The following DEPDC1B variants were observed in gnomAD, a reference collection of about 807,000 sequenced individuals.
DEPDC1B encodes the protein DEP domain-containing protein 1B.
Under a neutral mutation model 66.5 loss-of-function variants are expected in DEPDC1B, and 51 were observed. The ratio of observed to expected loss-of-function variants is 0.77; its 90% confidence interval spans 0.61 to 0.97. The LOEUF is 0.97. Ranked by LOEUF, DEPDC1B falls within the 50% of genes least tolerant of loss-of-function variation. DEPDC1B has a pLI of 0.00. For missense variants in DEPDC1B, 552 were observed against 637.1 expected, an observed-to-expected ratio of 0.87 and a Z score of 1.44; for synonymous variants, 226 against 223.6, an observed-to-expected ratio of 1.01 and a Z score of -0.10.
In DEPDC1B at chr5:60,647,533, T is replaced by C. The variant is rs754032696; in HGVS notation, c.315A>G (p.Arg105=). 16 of 1,609,942 alleles carry C rather than the reference T, an allele frequency of 9.9e-6. No homozygotes were observed. In the Admixed American group the frequency reaches 2.2e-4, roughly 22 times the overall value. ...EDFEDNRHLY[R]FPPSSPLKPY... ...GTTTCAGGGGTGAAGAAGGAGGAAA[T>C]CTAAAACCCAAGAAGAAATTCTCTA... Residue 105 remains arginine (R), a splice_region_variant and synonymous_variant, in exon 3 of 11, where the codon AGA becomes AGG. Transcript: ENST00000265036.
At chr5:60,680,007 C>A (rs1446424862) in intron 2 of DEPDC1B, among the ~76,000 whole-genome samples, 3 of 152,054 alleles carry the variant, frequency 2.0e-5, no homozygotes, top group South Asian at 2.1e-4. Context: ...ACCCTGTCTA[C>A]CTCATAGAAT....
chr5:60,646,803 A>G (rs1035133031), intron 3 of DEPDC1B, among the ~76,000 whole-genome samples: 1 of 152,116 alleles, frequency 6.6e-6, no homozygotes, highest in African/African-American at 2.4e-5. Flanking sequence ...ACCTCCTGTC[A>G]GATCGGCCGC....
chr5:60,683,169 C>A (rs1179085619), intron 2 of DEPDC1B, among the ~76,000 whole-genome samples: 2 of 152,150 alleles, frequency 1.3e-5, no homozygotes, highest in African/African-American at 4.8e-5. Context: ...GTGGCTCATG[C>A]CTATAATCCC....
chr5:60,638,928 G>C (rs751781074), intron 6 of DEPDC1B, 38 bp from the exon 7 acceptor site: 1 of 1,600,264 alleles, frequency 6.2e-7, no homozygotes, highest in East Asian at 2.2e-5. Flanking sequence ...AACATTAATG[G>C]AGTAATTACC....
At chr5:60,665,117 C>T (rs563978241) in intron 2 of DEPDC1B, among the ~76,000 whole-genome samples, 2 of 152,220 alleles carry the variant, frequency 1.3e-5, no homozygotes, top group African/African-American at 4.8e-5. Flanking sequence ...GGAAACCAAA[C>T]CCCAGTACTC....
intron 2 of DEPDC1B, among the ~76,000 whole-genome samples, chr5:60,661,087 T>C (rs1003154430): frequency 1.3e-5 from 2 of 152,190 alleles, no homozygotes; most frequent in Non-Finnish European, 1.5e-5. Flanking sequence ...ACCTACACCC[T>C]CTCTGAAATA....
intron 9 of DEPDC1B, among the ~76,000 whole-genome samples, chr5:60,601,997 C>A (rs1389948014): frequency 1.3e-5 from 2 of 152,150 alleles, no homozygotes; most frequent in African/African-American, 4.8e-5. Context: ...AAAGGCATGT[C>A]ATGAATTCAA....
At chr5:60,658,330 T>C (rs1055681038) in intron 2 of DEPDC1B, among the ~76,000 whole-genome samples, 1 of 152,244 alleles carries the variant, frequency 6.6e-6, no homozygotes, top group African/African-American at 2.4e-5. Flanking sequence ...GATCCGTTGC[T>C]GGTGAACTAG....
At chr5:60,655,433 T>C (rs1038745055) in intron 2 of DEPDC1B, among the ~76,000 whole-genome samples, 1 of 149,200 alleles carries the variant, frequency 6.7e-6, no homozygotes, top group African/African-American at 2.5e-5. Flanking sequence ...CCTAGTAGCC[T>C]TTAATGATCT....
chr5:60,632,234 C>T (rs1042626643), intron 7 of DEPDC1B, among the ~76,000 whole-genome samples: 1 of 152,208 alleles, frequency 6.6e-6, no homozygotes, highest in Non-Finnish European at 1.5e-5. Flanking sequence ...CACAGGGCCA[C>T]GGCGATGGCA....
chr5:60,607,910 G>T (rs1752342895), intron 7 of DEPDC1B, among the ~76,000 whole-genome samples: 1 of 152,184 alleles, frequency 6.6e-6, no homozygotes, highest in Non-Finnish European at 1.5e-5. Flanking sequence ...ACACAAGTCA[G>T]AAATCAGGTT....
Position 60,599,142 on chromosome 5 carries a change from G to C in DEPDC1B, c.1361C>G (p.Ala454Gly), listed in dbSNP as rs753227665. The C allele has an allele frequency of 5.6e-6, 9 of 1,613,226 alleles. No homozygotes were observed. In the South Asian group the frequency reaches 7.7e-5, roughly 14 times the overall value. The change falls in exon 10 of 11, where the codon GCC becomes GGC. Residue 454 changes from alanine (A) to glycine (G), a missense_variant. Transcript: ENST00000265036. ...RSYGSQEPLA[A>G]LLEEVITDAK... is the part of the protein sequence containing the mutation. Reference sequence around the variant, plus strand: ...ATCTGTTATGACTTCCTCCAACAAGGCTGCCAGAGGTTCCTGAGAGCCATA... The same window carrying C: ...ATCTGTTATGACTTCCTCCAACAAGCCTGCCAGAGGTTCCTGAGAGCCATA...
At chr5:60,675,179 TAGG>T in intron 2 of DEPDC1B, among the ~76,000 whole-genome samples, 1 of 152,192 alleles carries the variant, frequency 6.6e-6, no homozygotes, top group Non-Finnish European at 1.5e-5. Context: ...GTTTCCACTG[TAGG>T]GCACAGGGCC....
chr5:60,600,887 AT>A (rs2111700668), intron 9 of DEPDC1B, among the ~76,000 whole-genome samples: 1 of 152,318 alleles, frequency 6.6e-6, no homozygotes, highest in South Asian at 2.1e-4. Context: ...CCCAAATCTC[AT>A]CTTGAAATGT....
rs35652337 is a variant in DEPDC1B at position 60,668,855 on chromosome 5, TA to T, written c.314+18106del. ...CTTTTATGAAGGATGTCTTTCTCAA[TA>T]AAACTGACAACATTTAAAAAGAGCA... On this transcript the variant is annotated intron_variant, in intron 2 of 10. Coordinates refer to ENST00000265036, the MANE Select transcript of DEPDC1B (RefSeq NM_018369.3). Among the ~76,000 whole-genome samples the T allele has an allele frequency of 2.1e-3, 321 of 152,320 alleles. 8 individuals carry two copies. The East Asian group carries it at 0.023, about 11-fold the overall frequency.
chr5:60,666,357 C>T (rs545742873), intron 2 of DEPDC1B, among the ~76,000 whole-genome samples: 3 of 152,250 alleles, frequency 2.0e-5, no homozygotes, highest in Non-Finnish European at 2.9e-5. Context: ...CCTTAGAATC[C>T]GTGAAGCCAA....
chr5:60,655,066 G>T (rs1414033758), intron 2 of DEPDC1B, among the ~76,000 whole-genome samples: 1 of 149,002 alleles, frequency 6.7e-6, no homozygotes, highest in Non-Finnish European at 1.5e-5. Context: ...TGTTCATCAG[G>T]GATATTGGTC....
intron 4 of DEPDC1B, among the ~76,000 whole-genome samples, chr5:60,645,226 A>G (rs577116146): frequency 7.9e-5 from 12 of 152,218 alleles, no homozygotes; most frequent in Non-Finnish European, 1.6e-4. Context: ...AACTTTATAC[A>G]TACAGTACAT....
rs78490127 is a variant in DEPDC1B at position 60,677,946 on chromosome 5, T to G, written c.314+9016A>C. Among the ~76,000 whole-genome samples, 189 of 152,206 alleles carry G rather than the reference T, an allele frequency of 1.2e-3. 5 individuals are homozygous for G. In the East Asian group the frequency reaches 0.022, roughly 18 times the overall value. On this transcript the variant is annotated intron_variant, in intron 2 of 10. Coordinates refer to ENST00000265036, the MANE Select transcript of DEPDC1B (RefSeq NM_018369.3). Reference sequence around the variant, plus strand: ...GTAGTCCATTAATTTAAAGGTGAGGTATCTAAAACGGGTCCAAAAGACCTA... The same window carrying G: ...GTAGTCCATTAATTTAAAGGTGAGGGATCTAAAACGGGTCCAAAAGACCTA...
Sources: gnomAD v4.1 joint callset for allele counts (sites outside exome capture counted in the v4.1 genomes callset) on GRCh38, gnomAD v4.1.1 for gene constraint, MANE v1.5 for transcripts, NCBI Gene and HGNC (gene_info 2026-07-23, HGNC 2026-07-21) for gene names.